The following PDE10A variants were observed in gnomAD, a reference collection of about 807,000 sequenced individuals.
The protein encoded by PDE10A is cAMP and cAMP-inhibited cGMP 3',5'-cyclic phosphodiesterase 10A.
In PDE10A, 39 loss-of-function variants were observed where a neutral mutation model predicts 97.7. That is an observed-to-expected ratio of 0.40 (90% CI 0.31 to 0.52). The LOEUF (loss-of-function observed/expected upper bound fraction) is 0.52. Among genes scored for constraint, PDE10A ranks in the 20% least tolerant of loss-of-function variants. PDE10A has a pLI of 0.56. For synonymous variants in PDE10A, 371 were observed against 376.8 expected, an observed-to-expected ratio of 0.98 and a Z score of 0.18; for missense variants, 731 against 1,047.8, an observed-to-expected ratio of 0.70 and a Z score of 4.17.
In PDE10A at chr6:165,950,934, C is replaced by T. The variant is rs140789328; in HGVS notation, c.-615+36595G>A. ...TCCTGATTTAATAAAGAACATGTGT[C>T]CTCTTTGAAAAGATCCTGATTTCTT... is the stretch of plus-strand genomic sequence containing the variant. On this transcript the variant is annotated intron_variant, in intron 1 of 19. Coordinates refer to the PDE10A transcript ENST00000366882. 9.2e-4 allele frequency among the ~76,000 whole-genome samples: 140 copies of T among 152,302 alleles called. 1 individual carries two copies. Among genetic ancestry groups the T allele is most frequent in the African/African-American group, 3.2e-3 (135 of 41,562 alleles).
chr6:165,528,361 T>C (rs1233771837), intron 2 of PDE10A, among the ~76,000 whole-genome samples: 1 of 152,158 alleles, frequency 6.6e-6, no homozygotes, highest in Non-Finnish European at 1.5e-5. Context: ...TATGGGCCAA[T>C]GAACAAAGTG....
At chr6:165,568,602 G>T (rs1032288245) in intron 1 of PDE10A, among the ~76,000 whole-genome samples, 7 of 151,996 alleles carry the variant, frequency 4.6e-5, no homozygotes, top group African/African-American at 1.7e-4. Flanking sequence ...AACTGTCATG[G>T]TATCCCAGTG....
chr6:165,924,833 A>G (rs1782881895), intron 1 of PDE10A, among the ~76,000 whole-genome samples: 4 of 152,238 alleles, frequency 2.6e-5, no homozygotes, highest in Admixed American at 2.6e-4. Context: ...TAAGCATAGG[A>G]GAAGATCTTT....
chr6:165,867,244 A>C (rs199519657), intron 1 of PDE10A, among the ~76,000 whole-genome samples: 1 of 148,204 alleles, frequency 6.7e-6, no homozygotes, highest in East Asian at 2.0e-4. Context: ...AAAAAAAAAA[A>C]CCATGAGACC....
At chr6:165,546,407 C>T (rs144064636) in intron 1 of PDE10A, among the ~76,000 whole-genome samples, 7 of 152,098 alleles carry the variant, frequency 4.6e-5, no homozygotes, top group Non-Finnish European at 8.8e-5. Flanking sequence ...TAAACTATCA[C>T]GTATGTAAAT....
At chr6:165,616,565 T>C (rs903173510) in intron 1 of PDE10A, among the ~76,000 whole-genome samples, 1 of 152,194 alleles carries the variant, frequency 6.6e-6, no homozygotes, top group African/African-American at 2.4e-5. Flanking sequence ...AGGTTATGCA[T>C]ATGGAGAAGC....
At chr6:165,970,922 G>A (rs2128500939) in intron 1 of PDE10A, among the ~76,000 whole-genome samples, 1 of 152,312 alleles carries the variant, frequency 6.6e-6, no homozygotes, top group Admixed American at 6.5e-5. Flanking sequence ...CAAGGCAGGT[G>A]GATTACCTGA....
intron 1 of PDE10A, among the ~76,000 whole-genome samples, chr6:165,831,362 ACT>A (rs1467314404): frequency 1.6e-5 from 1 of 64,356 alleles, no homozygotes; most frequent in Non-Finnish European, 2.6e-5. Context: ...AGAGAGCGAG[ACT>A]CTGTCTCAAA....
chr6:165,799,389 C>T (rs760380277), intron 1 of PDE10A, among the ~76,000 whole-genome samples: 67 of 151,082 alleles, frequency 4.4e-4, no homozygotes, highest in Non-Finnish European at 7.2e-4. Flanking sequence ...TTTTTTTTGT[C>T]CTGCTTCTTG....
chr6:165,698,815 G>A (rs1791502019), intron 1 of PDE10A, among the ~76,000 whole-genome samples: 1 of 152,048 alleles, frequency 6.6e-6, no homozygotes, highest in Non-Finnish European at 1.5e-5. Context: ...CACTCCAGCA[G>A]GGGTGACAGA....
At chr6:165,720,489 T>C (rs1792138869) in intron 1 of PDE10A, among the ~76,000 whole-genome samples, 1 of 152,160 alleles carries the variant, frequency 6.6e-6, no homozygotes, top group Non-Finnish European at 1.5e-5. Flanking sequence ...ACAGCTGCCC[T>C]ACTCCCAAAC....
At chr6:165,506,624 C>T (rs1051887195) in intron 2 of PDE10A, among the ~76,000 whole-genome samples, 13 of 152,102 alleles carry the variant, frequency 8.5e-5, no homozygotes, top group South Asian at 2.1e-4. Context: ...TTGGAAGGTA[C>T]GCAATCTCAC....
At chr6:165,376,757 G>C (rs1295068424) in intron 18 of PDE10A, among the ~76,000 whole-genome samples, 1 of 152,008 alleles carries the variant, frequency 6.6e-6, no homozygotes, top group Non-Finnish European at 1.5e-5. Context: ...TCTAAAATAA[G>C]AAATGAAAAA....
intron 6 of PDE10A, among the ~76,000 whole-genome samples, chr6:165,434,680 A>G (rs936607147): frequency 1.4e-4 from 21 of 152,192 alleles, no homozygotes; most frequent in Non-Finnish European, 4.4e-5. Flanking sequence ...TACCTCACAA[A>G]AACACACCAG....
At chr6:165,391,850 A>G (rs1785743679) in intron 16 of PDE10A, among the ~76,000 whole-genome samples, 1 of 152,232 alleles carries the variant, frequency 6.6e-6, no homozygotes, top group African/African-American at 2.4e-5. Flanking sequence ...GAATTTGAGA[A>G]AAGCACAATT....
At chr6:165,358,019 T>C (rs1359927311) in intron 18 of PDE10A, among the ~76,000 whole-genome samples, 1 of 152,176 alleles carries the variant, frequency 6.6e-6, no homozygotes, top group Non-Finnish European at 1.5e-5. Context: ...TTGTTTTCAC[T>C]GTCATTCTGG....
intron 1 of PDE10A, among the ~76,000 whole-genome samples, chr6:165,929,036 C>T (rs1345542255): frequency 4.6e-5 from 7 of 152,178 alleles, no homozygotes; most frequent in Non-Finnish European, 8.8e-5. Context: ...GAATCAGCCT[C>T]TTGGAGCTTC....
intron 2 of PDE10A, among the ~76,000 whole-genome samples, chr6:165,529,976 A>G (rs950244292): frequency 1.3e-5 from 2 of 152,118 alleles, no homozygotes. Context: ...GGAGATTAAC[A>G]TTTGAGTTAG....
At position 165,600,326 on chromosome 6, in the gene PDE10A, G is replaced by A. The variant is rs76946387; in HGVS notation, c.866-56758C>T. 8.6e-3 allele frequency among the ~76,000 whole-genome samples: 1,308 copies of A among 152,312 alleles called. 10 individuals carry two copies. The highest frequency in any genetic ancestry group is 0.013 in the Non-Finnish European group (886 of 68,026). On this transcript the variant is annotated intron_variant, in intron 1 of 21. Coordinates refer to ENST00000539869, the MANE Select transcript of PDE10A (RefSeq NM_001385079.1). ...CAGCCAGGGCAGGGCTCTGAAGGACGATTGTCCAGGAAAATGGAGTGAATG... is the reference window on the plus strand; with the variant it reads ...CAGCCAGGGCAGGGCTCTGAAGGACAATTGTCCAGGAAAATGGAGTGAATG...
Sources: gnomAD v4.1 joint callset for allele counts (sites outside exome capture counted in the v4.1 genomes callset) on GRCh38, gnomAD v4.1.1 for gene constraint, MANE v1.5 for transcripts, NCBI Gene and HGNC (gene_info 2026-07-23, HGNC 2026-07-21) for gene names.